ABTB3: variants seen among roughly 807,000 people sequenced by gnomAD.
ABTB3 encodes the protein ankyrin repeat and BTB domain containing 3.
chr12:107,324,189 A>G, the ABTB3 span, among the ~76,000 whole-genome samples: 5 of 152,342 alleles, frequency 3.3e-5, no homozygotes, highest in South Asian at 2.1e-4. Flanking sequence ...TCTCATCTCT[A>G]TCACATCCAG....
At chr12:107,349,045 C>T in the ABTB3 span, among the ~76,000 whole-genome samples, 3 of 152,174 alleles carry the variant, frequency 2.0e-5, no homozygotes, top group Non-Finnish European at 4.4e-5. Context: ...CCTGCCTTGT[C>T]ACGCTGAAGG....
At chr12:107,523,029 C>T in the ABTB3 span, among the ~76,000 whole-genome samples, 3 of 152,150 alleles carry the variant, frequency 2.0e-5, no homozygotes, top group Non-Finnish European at 2.9e-5. Context: ...ATATTAGTTA[C>T]TGATGGAATT....
At chr12:107,654,301 T>TTTTG in the ABTB3 span, among the ~76,000 whole-genome samples, 16,510 of 151,938 alleles carry the variant, frequency 0.11, 1,112 homozygotes, top group African/African-American at 0.18. Flanking sequence ...TTTTCTTTGT[T>TTTTG]TTTGTTTGTT....
At chr12:107,324,993 C>A in the ABTB3 span, among the ~76,000 whole-genome samples, 4 of 152,230 alleles carry the variant, frequency 2.6e-5, no homozygotes, top group East Asian at 5.8e-4. Context: ...AAACCCAAAC[C>A]GAACGCAATG....
the ABTB3 span, among the ~76,000 whole-genome samples, chr12:107,412,619 G>A: frequency 2.0e-5 from 3 of 152,074 alleles, no homozygotes; most frequent in African/African-American, 4.8e-5. Flanking sequence ...ATGAAGACAC[G>A]CCCTTCCCTG....
At chr12:107,655,520 T>C in the ABTB3 span, among the ~76,000 whole-genome samples, 1 of 152,206 alleles carries the variant, frequency 6.6e-6, no homozygotes, top group Non-Finnish European at 1.5e-5. Flanking sequence ...CAGATTGTGC[T>C]GCAAATAGAG....
the ABTB3 span, among the ~76,000 whole-genome samples, chr12:107,363,315 A>G: frequency 2.1e-4 from 32 of 152,254 alleles, no homozygotes; most frequent in Non-Finnish European, 3.7e-4. Context: ...TGCTTCTTAG[A>G]GAACTAAGAG....
At chr12:107,328,412 G>A in the ABTB3 span, among the ~76,000 whole-genome samples, 1 of 152,172 alleles carries the variant, frequency 6.6e-6, no homozygotes, top group Non-Finnish European at 1.5e-5. Flanking sequence ...ATTATCGATA[G>A]TATCATTCTA....
At chr12:107,335,111 C>A in the ABTB3 span, among the ~76,000 whole-genome samples, 3 of 151,588 alleles carry the variant, frequency 2.0e-5, no homozygotes, top group South Asian at 6.3e-4. Flanking sequence ...CATAGCAAGA[C>A]CCCATCTCTA....
At chr12:107,325,725 A>T in the ABTB3 span, among the ~76,000 whole-genome samples, 1 of 152,168 alleles carries the variant, frequency 6.6e-6, no homozygotes, top group Admixed American at 6.5e-5. Flanking sequence ...CAGACTTATT[A>T]TCTACTGAGA....
chr12:107,544,024 G>A, the ABTB3 span: 6 of 1,613,848 alleles, frequency 3.7e-6, no homozygotes, highest in African/African-American at 1.3e-5. Flanking sequence ...CAAGCAGGGG[G>A]CACTGTACTG....
At chr12:107,387,972 C>CTTCTT in the ABTB3 span, among the ~76,000 whole-genome samples, 44 of 120,172 alleles carry the variant, frequency 3.7e-4, 1 homozygote, top group African/African-American at 1.1e-3. Context: ...TCTTCTTCTT[C>CTTCTT]TTTTTTTTTT....
the ABTB3 span, among the ~76,000 whole-genome samples, chr12:107,609,106 G>C: frequency 6.6e-6 from 1 of 152,172 alleles, no homozygotes; most frequent in Non-Finnish European, 1.5e-5. Context: ...TGCAGCGCCT[G>C]TGTTCTGTAA....
At chr12:107,631,495 G>T in the ABTB3 span, among the ~76,000 whole-genome samples, 1 of 152,138 alleles carries the variant, frequency 6.6e-6, no homozygotes, top group South Asian at 2.1e-4. Flanking sequence ...GGGTCCAATG[G>T]TAGCTCTATT....
chr12:107,319,280 C>T, the ABTB3 span: 2 of 1,546,768 alleles, frequency 1.3e-6, no homozygotes, highest in Admixed American at 1.9e-5. Context: ...TTCGCGGGAT[C>T]CCCGGGCAGG....
chr12:107,452,118 A>G, the ABTB3 span, among the ~76,000 whole-genome samples: 1 of 151,706 alleles, frequency 6.6e-6, no homozygotes, highest in Non-Finnish European at 1.5e-5. Flanking sequence ...AGCACTGACT[A>G]TGTGCCAGAC....
At chr12:107,499,614 A>G in the ABTB3 span, among the ~76,000 whole-genome samples, 7 of 151,942 alleles carry the variant, frequency 4.6e-5, no homozygotes, top group Non-Finnish European at 1.0e-4. Flanking sequence ...GAAACTTACA[A>G]TCATGCTGGA....
At chr12:107,438,602 C>T in the ABTB3 span, among the ~76,000 whole-genome samples, 70 of 152,280 alleles carry the variant, frequency 4.6e-4, no homozygotes, top group Non-Finnish European at 9.0e-4. Context: ...TTTCTGGAAA[C>T]GCATCTTCCG....
chr12:107,417,400 C>T, the ABTB3 span, among the ~76,000 whole-genome samples: 1 of 152,224 alleles, frequency 6.6e-6, no homozygotes, highest in African/African-American at 2.4e-5. Flanking sequence ...TGTTTCTCAT[C>T]TGCCTTCTCC....
Sources: gnomAD v4.1 joint callset for allele counts (sites outside exome capture counted in the v4.1 genomes callset) on GRCh38, gnomAD v4.1.1 for gene constraint, MANE v1.5 for transcripts, NCBI Gene and HGNC (gene_info 2026-07-23, HGNC 2026-07-21) for gene names.